USP15: variants seen among roughly 807,000 people sequenced by gnomAD.
USP15 encodes ubiquitin specific peptidase 15.
Under a neutral mutation model 127.1 loss-of-function variants are expected in USP15, and 18 were observed. The observed-to-expected ratio is 0.14, with a 90% CI of 0.10 to 0.21. The LOEUF (loss-of-function observed/expected upper bound fraction) is 0.21. Among genes scored for constraint, USP15 ranks in the 10% least tolerant of loss-of-function variants. USP15 has a pLI of 1.00. For synonymous variants in USP15, 364 were observed against 393.7 expected (o/e 0.92, Z 0.89); for missense variants, 805 against 1,159.9 (o/e 0.69, Z 4.44).
At chr12:62,374,346 C>T (rs570034706) in intron 8 of USP15, 1 of 980,272 alleles carries the variant, frequency 1.0e-6, no homozygotes, top group Non-Finnish European at 1.2e-6. Context: ...AACTCAAAAG[C>T]TTTAGGTAAT....
intron 8 of USP15, among the ~76,000 whole-genome samples, chr12:62,366,958 T>C (rs2066496547): frequency 6.6e-6 from 1 of 152,192 alleles, no homozygotes; most frequent in Non-Finnish European, 1.5e-5. Flanking sequence ...TTGCCAGTAT[T>C]TTCTTGAGGA....
At chr12:62,273,155 A>C (rs1249222696) in intron 1 of USP15, among the ~76,000 whole-genome samples, 1 of 148,408 alleles carries the variant, frequency 6.7e-6, no homozygotes, top group Non-Finnish European at 1.5e-5. Context: ...TGGCCTTAGC[A>C]TGTCATCCTC....
At chr12:62,326,973 T>C (rs1430304342) in intron 6 of USP15, among the ~76,000 whole-genome samples, 1 of 151,780 alleles carries the variant, frequency 6.6e-6, no homozygotes, top group Non-Finnish European at 1.5e-5. Context: ...CTACTAAAAA[T>C]ACAAAAATTA....
intron 14 of USP15, among the ~76,000 whole-genome samples, 181 bp from the exon 15 acceptor site, chr12:62,390,683 G>A (rs1389816999): frequency 6.6e-6 from 1 of 152,020 alleles, no homozygotes; most frequent in Non-Finnish European, 1.5e-5. Flanking sequence ...TTATAAAGAT[G>A]AGCAAAACAA....
At chr12:62,334,843 T>TTTAG (rs1426304090) in intron 6 of USP15, among the ~76,000 whole-genome samples, 2 of 152,194 alleles carry the variant, frequency 1.3e-5, no homozygotes, top group African/African-American at 2.4e-5. Context: ...GTGTTAAATG[T>TTTAG]TTAGTTGACT....
At position 62,405,136 on chromosome 12, in the gene USP15, A is replaced by C. The variant is rs2067825067; in HGVS notation, c.*761A>C. The C allele has an allele frequency of 6.6e-6, 1 of 152,056 alleles. No individual in the cohort carries two copies. The highest frequency in any genetic ancestry group is 2.1e-4 in the South Asian group (1 of 4,824). 9.4% of individuals were successfully genotyped at this position (152,056 alleles called of 1,614,324 possible). On this transcript the variant is annotated 3_prime_UTR_variant, in exon 22 of 22. Coordinates refer to ENST00000280377, the MANE Select transcript of USP15 (RefSeq NM_001252078.2). ...ATATTCAAAAACATTTTTTGCTTTA[A>C]AATGCATATCTTTAATTGGGTGTTG...
chr12:62,358,085 C>T (rs546681814), intron 8 of USP15, among the ~76,000 whole-genome samples: 12 of 151,792 alleles, frequency 7.9e-5, no homozygotes, highest in Non-Finnish European at 1.6e-4. Context: ...AATGTAACCT[C>T]TTAAATTAAT....
chr12:62,397,401 G>T (rs190673777), intron 20 of USP15, among the ~76,000 whole-genome samples: 122 of 152,138 alleles, frequency 8.0e-4, no homozygotes, highest in Non-Finnish European at 1.4e-3. Context: ...ATGCATATTG[G>T]TCTATTCAGT....
At chr12:62,377,999 G>A (rs899520981) in intron 8 of USP15, among the ~76,000 whole-genome samples, 2 of 152,064 alleles carry the variant, frequency 1.3e-5, no homozygotes, top group African/African-American at 4.8e-5. Context: ...CTGAGGTCAG[G>A]AGTTTGAGAC....
intron 8 of USP15, among the ~76,000 whole-genome samples, chr12:62,372,791 A>G (rs1185481892): frequency 6.6e-6 from 1 of 152,084 alleles, no homozygotes; most frequent in Non-Finnish European, 1.5e-5. Flanking sequence ...GGGATAGGAA[A>G]TAACGTAATT....
intron 3 of USP15, among the ~76,000 whole-genome samples, chr12:62,305,104 T>C (rs982145907): frequency 6.6e-6 from 1 of 152,076 alleles, no homozygotes; most frequent in African/African-American, 2.4e-5. Flanking sequence ...TGCATACATA[T>C]AGTTGGAATC....
chr12:62,366,035 G>A lies in USP15; in HGVS notation c.915+10560G>A, dbSNP rs370833993. Among the ~76,000 whole-genome samples, 11 of 152,246 alleles carry A rather than the reference G, an allele frequency of 7.2e-5. No individual in the cohort carries two copies. In the East Asian group the frequency reaches 9.7e-4, roughly 13 times the overall value. On this transcript the variant is annotated intron_variant, in intron 8 of 21. Coordinates refer to ENST00000280377, the MANE Select transcript of USP15 (RefSeq NM_001252078.2). Reference sequence around the variant, plus strand: ...TGCTTAGGATTGTCTTGGCTATGCCGGCTCTTTTCTGGTTCCATATGAAGT... The same window carrying A: ...TGCTTAGGATTGTCTTGGCTATGCCAGCTCTTTTCTGGTTCCATATGAAGT...
intron 8 of USP15, among the ~76,000 whole-genome samples, chr12:62,364,025 A>G (rs897726563): frequency 1.3e-5 from 2 of 152,132 alleles, no homozygotes; most frequent in Non-Finnish European, 2.9e-5. Context: ...AGACAGTTGG[A>G]TATTCTAGTA....
chr12:62,364,915 A>G (rs577840826), intron 8 of USP15, among the ~76,000 whole-genome samples: 13 of 152,132 alleles, frequency 8.5e-5, no homozygotes, highest in Non-Finnish European at 1.6e-4. Flanking sequence ...TGCATAATAT[A>G]CCATGGTGTA....
At chr12:62,270,800 C>T (rs2063330969) in intron 1 of USP15, among the ~76,000 whole-genome samples, 1 of 151,980 alleles carries the variant, frequency 6.6e-6, no homozygotes, top group Non-Finnish European at 1.5e-5. Flanking sequence ...TGTTTTGGCC[C>T]TCTTCTCTTA....
Position 62,393,298 on chromosome 12 carries a change from A to C in USP15, c.2570+96A>C. The C allele has an allele frequency of 2.2e-6, 3 of 1,382,358 alleles. No homozygotes were observed. In the South Asian group the frequency reaches 4.5e-5, roughly 21 times the overall value. The allele number at this position is 1,382,358 out of a possible 1,614,324, so 85.6% of individuals were successfully genotyped here. On this transcript the variant is annotated intron_variant, in intron 19 of 21. Transcript: ENST00000280377. ...TATCCTTTAGTAAACATCAGGTGCCATTGGACCCAATTTCAGCTTTCAAGT... is the reference window on the plus strand; with the variant it reads ...TATCCTTTAGTAAACATCAGGTGCCCTTGGACCCAATTTCAGCTTTCAAGT...
At chr12:62,268,016 CAGG>C (rs2063240396) in intron 1 of USP15, among the ~76,000 whole-genome samples, 1 of 152,064 alleles carries the variant, frequency 6.6e-6, no homozygotes, top group Non-Finnish European at 1.5e-5. Flanking sequence ...TTTTAATTCT[CAGG>C]AGAGATGTAG....
chr12:62,263,466 A>C (rs2137021329), intron 1 of USP15, among the ~76,000 whole-genome samples: 1 of 152,306 alleles, frequency 6.6e-6, no homozygotes, highest in Admixed American at 6.5e-5. Flanking sequence ...GCAAGTATAA[A>C]GATTTATTTC....
chr12:62,381,694 T>C (rs2066994699), intron 9 of USP15, 31 bp downstream of exon 9: 1 of 1,591,330 alleles, frequency 6.3e-7, no homozygotes. Context: ...TTAGCAAGGG[T>C]ACCTGCAAGG....
Sources: gnomAD v4.1 joint callset for allele counts (sites outside exome capture counted in the v4.1 genomes callset) on GRCh38, gnomAD v4.1.1 for gene constraint, MANE v1.5 for transcripts, NCBI Gene and HGNC (gene_info 2026-07-23, HGNC 2026-07-21) for gene names.